The following COL4A5 variants were observed in gnomAD, a reference collection of about 807,000 sequenced individuals.
COL4A5 encodes the protein collagen type IV alpha 5 chain, also known as collagen alpha-5(IV) chain.
COL4A5 carries 26 observed loss-of-function variants against 130.2 expected under a neutral mutation model. The observed-to-expected ratio is 0.20, with a 90% CI of 0.15 to 0.28. The LOEUF (loss-of-function observed/expected upper bound fraction) is 0.28, where lower values mean the gene tolerates loss of function less well. Ranked by LOEUF, COL4A5 falls within the 10% of genes least tolerant of loss-of-function variation. COL4A5 has a pLI of 1.00. For synonymous variants in COL4A5, 496 were observed against 439.6 expected, an observed-to-expected ratio of 1.13 and a Z score of -1.60; for missense variants, 1,131 against 1,344.3, an observed-to-expected ratio of 0.84 and a Z score of 2.48.
chrX:108,600,258 G>A (rs917632035), intron 25 of COL4A5, among the ~76,000 whole-genome samples: 5 of 111,563 alleles, frequency 4.5e-5, no homozygotes, highest in Admixed American at 9.5e-5. Context: ...TGTATTTTGC[G>A]AAAAGAAATC....
At chrX:108,475,473 G>A (rs2064823473) in intron 1 of COL4A5, among the ~76,000 whole-genome samples, 1 of 111,525 alleles carries the variant, frequency 9.0e-6, no homozygotes, top group South Asian at 3.8e-4. Context: ...ATATTCAAAA[G>A]AAGCAGTGAG....
rs375056297 is a variant in COL4A5, at chrX:108,571,439, C to T, written c.411C>T (p.Pro137=). The T allele has an allele frequency of 1.0e-5, 12 of 1,202,444 alleles. No homozygotes were observed. The highest frequency in any genetic ancestry group is 6.6e-5 in the Admixed American group (3 of 45,611). ...GAGAACGTGGATTTCCAGGCAGTCC[C>T]GGTTTTCCTGGTTTACAGGGTCCTC... is the stretch of plus-strand genomic sequence containing the variant. ...TKGERGFPGS[P]GFPGLQGPPG... Residue 137 remains proline (P), a synonymous_variant, in exon 7 of 53, where the codon CCC becomes CCT. Transcript: ENST00000328300.
chrX:108,632,878 G>T (rs746563360), intron 36 of COL4A5, among the ~76,000 whole-genome samples: 1 of 111,586 alleles, frequency 9.0e-6, no homozygotes, highest in African/African-American at 3.3e-5. Context: ...GTATCATACT[G>T]AATGGGCAAA....
intron 1 of COL4A5, among the ~76,000 whole-genome samples, chrX:108,451,306 C>T (rs1163111503): frequency 3.6e-5 from 4 of 110,259 alleles, no homozygotes; most frequent in Admixed American, 9.6e-5. Context: ...AATAAACATA[C>T]GTGTGCATGT....
chrX:108,603,037 GC>G lies in COL4A5; in HGVS notation c.2222del (p.Pro741HisfsTer51). Reference sequence around the variant, plus strand: ...GAATTGGTCTAGAAGGCCCTCCTGGGCCACCCGGCTTTCCAGGACCAAAGGT... The same window carrying G: ...GAATTGGTCTAGAAGGCCCTCCTGGGCACCCGGCTTTCCAGGACCAAAGGT... ...GRIGLEGPPG[P>X]PGFPGPKGEP... On this transcript the variant is annotated frameshift_variant, in exon 28 of 53. Transcript: ENST00000328300. LOFTEE classifies it high-confidence loss of function. The G allele has an allele frequency of 8.4e-7, 1 of 1,184,401 alleles. No individual in the cohort carries two copies. Among genetic ancestry groups the G allele is most frequent in the Non-Finnish European group, 1.1e-6 (1 of 876,601 alleles).
chrX:108,613,138 G>C (rs2066865477), intron 29 of COL4A5, among the ~76,000 whole-genome samples: 1 of 111,929 alleles, frequency 8.9e-6, no homozygotes, highest in Non-Finnish European at 1.9e-5. Flanking sequence ...ACTCCCAATG[G>C]ATCACAGACC....
intron 28 of COL4A5, among the ~76,000 whole-genome samples, chrX:108,605,674 A>G (rs1031438551): frequency 8.9e-5 from 10 of 112,158 alleles, no homozygotes; most frequent in African/African-American, 2.9e-4. Flanking sequence ...TGCACAGCAC[A>G]ACAAAATGAT....
chrX:108,556,159 T>C (rs2065820466), intron 2 of COL4A5, among the ~76,000 whole-genome samples: 1 of 111,796 alleles, frequency 8.9e-6, no homozygotes. Context: ...AGTTTGTTCT[T>C]AGGAAAATTA....
chrX:108,458,007 A>T (rs997198999), intron 1 of COL4A5, among the ~76,000 whole-genome samples: 2 of 111,958 alleles, frequency 1.8e-5, no homozygotes, highest in African/African-American at 6.5e-5. Context: ...CCATGCGGAT[A>T]TGCTCTGCCA....
chrX:108,483,861 A>G (rs1299212741), intron 1 of COL4A5, among the ~76,000 whole-genome samples: 2 of 112,377 alleles, frequency 1.8e-5, no homozygotes, highest in Non-Finnish European at 3.8e-5. Flanking sequence ...CATTTCTCTG[A>G]TGAACAATGT....
At chrX:108,603,276 A>C (rs977564361) in intron 28 of COL4A5, among the ~76,000 whole-genome samples, 21 of 106,052 alleles carry the variant, frequency 2.0e-4, no homozygotes, top group African/African-American at 6.6e-4. Context: ...AAAAAAAAAA[A>C]ACCTAATTTC....
intron 37 of COL4A5, among the ~76,000 whole-genome samples, chrX:108,661,153 C>T (rs1345822655): frequency 9.0e-6 from 1 of 111,652 alleles, no homozygotes; most frequent in Non-Finnish European, 1.9e-5. Context: ...CACACGATGA[C>T]AAAATCGCCC....
At chrX:108,536,695 C>T (rs190097683) in intron 1 of COL4A5, among the ~76,000 whole-genome samples, 9 of 111,291 alleles carry the variant, frequency 8.1e-5, no homozygotes, top group East Asian at 5.7e-4. Flanking sequence ...CTTTCAGGCT[C>T]AAGGGAACTG....
rs1288631575 is a variant in COL4A5 at position 108,591,138 on chromosome X, A to G, written c.1246A>G (p.Ile416Val). 8.3e-7 allele frequency: 1 copy of G among 1,210,081 alleles called. No individual in the cohort carries two copies. The highest frequency in any genetic ancestry group is 1.8e-5 in the South Asian group (1 of 56,962). Residue 416 changes from isoleucine to valine, a missense_variant, in exon 20 of 53, where the codon ATT becomes GTT. Physicochemically the swap from Ile to Val is conservative, Grantham distance 29. Coordinates refer to ENST00000328300, the MANE Select transcript of COL4A5 (RefSeq NM_033380.3). ...GQKGDEGPPG[I>V]SIPGPPGLDG... ...GAAAGGTGATGAAGGACCACCTGGA[A>G]TTTCCATTCCTGGACCTCCTGGACT...
intron 1 of COL4A5, among the ~76,000 whole-genome samples, chrX:108,465,780 TG>T (rs376513432): frequency 1.3e-4 from 14 of 111,948 alleles, no homozygotes; most frequent in African/African-American, 4.2e-4. Context: ...TTAAGGGTCC[TG>T]GTTTAATTTT....
chrX:108,676,190 A>C (rs111809369), intron 43 of COL4A5, among the ~76,000 whole-genome samples: 133 of 112,586 alleles, frequency 1.2e-3, no homozygotes, highest in African/African-American at 3.8e-3. Context: ...CTAAATTCAT[A>C]ACAAGTGCCT....
At chrX:108,624,718 A>G (rs180859185) in intron 34 of COL4A5, among the ~76,000 whole-genome samples, 25 of 111,943 alleles carry the variant, frequency 2.2e-4, no homozygotes, top group African/African-American at 8.1e-4. Context: ...GCCTTTAGAC[A>G]AGTCAGTCAT....
intron 50 of COL4A5, chrX:108,693,687 G>A (rs1376961894): frequency 9.0e-6 from 1 of 111,158 alleles, no homozygotes; most frequent in Non-Finnish European, 1.9e-5. Context: ...ACTCACAGTG[G>A]GGTACATGTA....
chrX:108,632,113 CA>C (rs1289125268), intron 36 of COL4A5, among the ~76,000 whole-genome samples: 2 of 111,098 alleles, frequency 1.8e-5, no homozygotes, highest in Non-Finnish European at 3.8e-5. Context: ...AGAGAAGAAT[CA>C]AATCGACAAA....
Sources: allele counts gnomAD v4.1 joint callset (sites outside exome capture counted in the v4.1 genomes callset), GRCh38; gene constraint gnomAD v4.1.1; transcripts MANE v1.5; gene names NCBI Gene and HGNC (gene_info 2026-07-23, HGNC 2026-07-21).